The following ADCK5 variants were observed in gnomAD, a reference collection of about 807,000 sequenced individuals.
ADCK5 encodes the protein uncharacterized aarF domain-containing protein kinase 5.
A neutral mutation model predicts 64.9 loss-of-function variants in ADCK5; 43 were observed. The ratio of observed to expected loss-of-function variants is 0.66; its 90% CI spans 0.52 to 0.85. The LOEUF (loss-of-function observed/expected upper bound fraction) is 0.85, where lower values mean the gene tolerates loss of function less well. ADCK5 is among the 40% of genes least tolerant of loss of function. ADCK5 has a pLI of 0.00. For synonymous variants in ADCK5, 434 were observed against 342.8 expected (o/e 1.27, Z -2.94); for missense variants, 760 against 810.5 (o/e 0.94, Z 0.76).
At chr8:144,381,986 T>C (rs1252082047) in intron 2 of ADCK5, among the ~76,000 whole-genome samples, 1 of 134,696 alleles carries the variant, frequency 7.4e-6, no homozygotes, top group Non-Finnish European at 1.6e-5. Context: ...AGATGTGTGC[T>C]CAGGCCCCTG....
intron 1 of ADCK5, chr8:144,375,623 C>T (rs1819331754): frequency 1.0e-6 from 1 of 985,444 alleles, no homozygotes; most frequent in South Asian, 4.7e-5. Context: ...TGGTTGTGAA[C>T]TTCATGATAC....
At position 144,392,549 on chromosome 8, in the gene ADCK5, A is replaced by G. The variant is rs781932927; in HGVS notation, c.1372A>G (p.Met458Val). The G allele has an allele frequency of 5.8e-6, 9 of 1,564,906 alleles. No individual in the cohort carries two copies. Among genetic ancestry groups the G allele is most frequent in the Non-Finnish European group, 6.9e-6 (8 of 1,161,374 alleles). The change falls in exon 13 of 15, where the codon ATG (methionine) becomes GTG (valine). Residue 458 changes from methionine (M) to valine (V), a missense_variant. Coordinates refer to ENST00000308860, the MANE Select transcript of ADCK5 (RefSeq NM_174922.5). Reference protein sequence around the residue: ...SREEAAYMVDMARERFEAVMA... With the variant: ...SREEAAYMVDVARERFEAVMA... ...CGAAGAGGCGGCCTACATGGTGGAC[A>G]TGGCCCGCGAGCGCTTCGAGGCCGT...
rs1050981932 is a variant in ADCK5, at chr8:144,384,654, C to T, written c.266+1424C>T. ...AGGGCCACACAGGGCTGCCAGCCAC[C>T]GTCCCCTGCAGCCTGGTTCTGAAAT... On this transcript the variant is annotated intron_variant, in intron 3 of 14. Transcript: ENST00000308860. The surrounding 1 kb of genome is among the most constrained non-coding windows in gnomAD (Gnocchi z 5.7). Among the ~76,000 whole-genome samples the T allele has an allele frequency of 1.1e-4, 16 of 152,198 alleles. No individual in the cohort carries two copies. Among genetic ancestry groups the T allele is most frequent in the Non-Finnish European group, 2.9e-5 (2 of 68,044 alleles).
At chr8:144,380,896 T>A (rs1459288991) in intron 2 of ADCK5, among the ~76,000 whole-genome samples, 25,265 of 25,780 alleles carry the variant, frequency 0.98, 12,525 homozygotes, top group Non-Finnish European at 0.99. Flanking sequence ...GTGTAGAAAC[T>A]GATGTGTGCT....
chr8:144,373,894 TA>T, upstream of ADCK5: 1 of 507,976 alleles, frequency 2.0e-6, no homozygotes, highest in Non-Finnish European at 3.0e-6. Flanking sequence ...CGCCAAAAGG[TA>T]AGCCTCTGGG....
At chr8:144,374,896 G>A (rs919075506) in intron 1 of ADCK5, among the ~76,000 whole-genome samples, 4 of 152,242 alleles carry the variant, frequency 2.6e-5, no homozygotes, top group African/African-American at 4.8e-5. Flanking sequence ...ACTGCGGGGG[G>A]GCGGGGCAGA....
chr8:144,393,075 G>A lies in ADCK5; in HGVS notation c.*1G>A, dbSNP rs782722331. The A allele has an allele frequency of 5.6e-5, 88 of 1,567,572 alleles. No homozygotes were observed. Among genetic ancestry groups the A allele is most frequent in the Non-Finnish European group, 7.4e-5 (86 of 1,161,338 alleles). On this transcript the variant is annotated 3_prime_UTR_variant, in exon 15 of 15. Transcript: ENST00000308860. ...GCTCTACCAGTACCTGGAGACCTAG[G>A]GTGCAGCCGCCCAGGGCCGGCGGGG...
chr8:144,391,045 G>A lies in ADCK5; in HGVS notation c.532G>A (p.Gly178Ser). The A allele has an allele frequency of 2.5e-6, 4 of 1,612,444 alleles. No homozygotes were observed. The highest frequency in any genetic ancestry group is 2.5e-6 in the Non-Finnish European group (3 of 1,179,990). Reference sequence around the variant, plus strand: ...GCTAGAGGACAGGGCCCTCAAGCGGGGCTTCCAGGAGGTGAGTGTGCGCTC... The same window carrying A: ...GCTAGAGGACAGGGCCCTCAAGCGGAGCTTCCAGGAGGTGAGTGTGCGCTC... ...RVLEDRALKR[G>S]FQEVDELFLE... The change falls in exon 5 of 15, where the codon GGC (glycine) becomes AGC (serine). Residue 178 changes from glycine (G) to serine (S), a missense_variant. Gly to Ser is a moderately conservative substitution (Grantham distance 56). Coordinates refer to ENST00000308860, the MANE Select transcript of ADCK5 (RefSeq NM_174922.5).
chr8:144,383,202 G>C lies in ADCK5; in HGVS notation c.238G>C (p.Val80Leu), dbSNP rs546211953. 5.5e-5 allele frequency: 87 copies of C among 1,594,088 alleles called. 1 individual carries two copies. In the Admixed American group the frequency reaches 1.5e-3, roughly 27 times the overall value. The change falls in exon 3 of 15, where the codon GTG becomes CTG. Residue 80 changes from valine to leucine, a missense_variant. Physicochemically the swap from Val to Leu is conservative, Grantham distance 32. Coordinates refer to ENST00000308860, the MANE Select transcript of ADCK5 (RefSeq NM_174922.5). ...ACGGGAGAAGAGGAGGATGCGGCTC[G>C]TGGTGGATGGCATGGGGCGCTTTGG... The part of the protein sequence containing the change: ...EAREKRRMRL[V>L]VDGMGRFGRS...
intron 3 of ADCK5, among the ~76,000 whole-genome samples, chr8:144,385,413 A>C (rs1819873459): frequency 6.6e-6 from 1 of 151,168 alleles, no homozygotes; most frequent in South Asian, 2.1e-4. Flanking sequence ...CCAACTCTTG[A>C]CCTCAGGTGA....
chr8:144,376,605 T>G lies in ADCK5; in HGVS notation c.12+2498T>G, dbSNP rs1554857205. ...CAGCCATGACTTTCCTGGCCTCACC[T>G]GTTTGGTGGAGCCTGTGGAAACAGC... On this transcript the variant is annotated intron_variant, in intron 1 of 14. Coordinates refer to ENST00000308860, the MANE Select transcript of ADCK5 (RefSeq NM_174922.5). The surrounding 1 kb of genome is among the most constrained non-coding windows in gnomAD (Gnocchi z 5.1). 6.6e-6 allele frequency among the ~76,000 whole-genome samples: 1 copy of G among 152,214 alleles called. No individual in the cohort carries two copies. Among genetic ancestry groups the G allele is most frequent in the East Asian group, 1.9e-4 (1 of 5,204 alleles).
upstream of ADCK5, chr8:144,374,022 C>T: frequency 8.1e-7 from 1 of 1,239,390 alleles, no homozygotes; most frequent in East Asian, 3.2e-5. Context: ...CACTACGCGC[C>T]CTCCCGCAGG....
At chr8:144,379,952 C>T (rs1280556649) in intron 2 of ADCK5, among the ~76,000 whole-genome samples, 1 of 152,174 alleles carries the variant, frequency 6.6e-6, no homozygotes, top group Non-Finnish European at 1.5e-5. Flanking sequence ...GCAGGAAGGC[C>T]GTGGAGGGTA....
upstream of ADCK5, chr8:144,374,020 G>T (rs1819259166): frequency 4.0e-6 from 5 of 1,238,164 alleles, no homozygotes; most frequent in Non-Finnish European, 5.1e-6. Context: ...CGCACTACGC[G>T]CCCTCCCGCA....
Position 144,393,218 on chromosome 8 carries a change from CCA to C in ADCK5, c.*150_*151del. On this transcript the variant is annotated 3_prime_UTR_variant, in exon 15 of 15. Transcript: ENST00000308860. Reference sequence around the variant, plus strand: ...GCTGGGCCAGGAGGCCGTGTAATGACCACACACTCCTCTCAAGCAAAAAATGT... The same window carrying C: ...GCTGGGCCAGGAGGCCGTGTAATGACCACACTCCTCTCAAGCAAAAAATGT... 1 of 1,372,448 alleles carries C rather than the reference CCA, an allele frequency of 7.3e-7. No individual in the cohort carries two copies. Among genetic ancestry groups the C allele is most frequent in the Non-Finnish European group, 9.8e-7 (1 of 1,024,348 alleles). The allele number at this position is 1,372,448 out of a possible 1,614,324, so 85.0% of individuals were successfully genotyped here. A position where few individuals can be genotyped will look rare whatever the true frequency, so the allele number is the denominator to read the frequency against.
rs376553217 is a variant in ADCK5 at position 144,388,592 on chromosome 8, A to G, written c.267-2079A>G. On this transcript the variant is annotated intron_variant, in intron 3 of 14. Coordinates refer to ENST00000308860, the MANE Select transcript of ADCK5 (RefSeq NM_174922.5). ...ATCCTGGCCAACACGGTGAAACCCC[A>G]TCTCTACTAAAAATACAAAAAAATT... Among the ~76,000 whole-genome samples the G allele has an allele frequency of 6.4e-4, 97 of 151,624 alleles. 1 individual carries two copies. The highest frequency in any genetic ancestry group is 6.1e-3 in the South Asian group (29 of 4,786).
At chr8:144,374,414 C>T (rs913500249) in intron 1 of ADCK5, among the ~76,000 whole-genome samples, 1 of 152,122 alleles carries the variant, frequency 6.6e-6, no homozygotes, top group Non-Finnish European at 1.5e-5. Flanking sequence ...TCAGGCTGGT[C>T]TCGAATTCCT....
upstream of ADCK5, chr8:144,374,000 C>T: frequency 1.6e-6 from 2 of 1,216,302 alleles, no homozygotes; most frequent in Non-Finnish European, 2.1e-6. Flanking sequence ...GGCTCTGGCT[C>T]CGGCGCGTGC....
At chr8:144,387,560 C>T (rs1273558973) in intron 3 of ADCK5, among the ~76,000 whole-genome samples, 1 of 152,110 alleles carries the variant, frequency 6.6e-6, no homozygotes. Flanking sequence ...TGCCACCACA[C>T]CCAGCTAATT....
Sources: allele counts gnomAD v4.1 joint callset (sites outside exome capture counted in the v4.1 genomes callset), GRCh38; gene constraint gnomAD v4.1.1; non-coding constraint Gnocchi (gnomAD v3.1); transcripts MANE v1.5; gene names NCBI Gene and HGNC (gene_info 2026-07-23, HGNC 2026-07-21).